ADAM29: variants seen among roughly 807,000 people sequenced by gnomAD.
The protein encoded by ADAM29 is ADAM metallopeptidase domain 29, also known as disintegrin and metalloproteinase domain-containing protein 29.
For synonymous variants in ADAM29, 367 were observed against 342.3 expected (o/e 1.07, Z -0.80); for missense variants, 969 against 1,001.8 (o/e 0.97, Z 0.44).
intron 2 of ADAM29, among the ~76,000 whole-genome samples, chr4:174,924,897 G>A (rs1289116850): frequency 3.3e-5 from 5 of 152,200 alleles, no homozygotes; most frequent in Non-Finnish European, 7.3e-5. Flanking sequence ...CTTTACATTA[G>A]AGAAATGGAC....
intron 3 of ADAM29, among the ~76,000 whole-genome samples, chr4:174,933,176 C>A (rs1744003261): frequency 6.6e-6 from 1 of 152,066 alleles, no homozygotes; most frequent in Non-Finnish European, 1.5e-5. Context: ...AAGCTCTCTG[C>A]CTGAAAGTGT....
At chr4:174,967,762 A>C (rs1316329813) in intron 4 of ADAM29, among the ~76,000 whole-genome samples, 1 of 152,132 alleles carries the variant, frequency 6.6e-6, no homozygotes, top group African/African-American at 2.4e-5. Flanking sequence ...AACCGCTTGG[A>C]CTCATTTAAT....
intron 2 of ADAM29, chr4:174,923,961 C>A (rs1301063524): frequency 2.6e-5 from 4 of 152,362 alleles, no homozygotes; most frequent in Non-Finnish European, 5.9e-5. Context: ...GCCACTTCTT[C>A]TCAGCTTCTC....
Position 174,975,693 on chromosome 4 carries a change from GC to G in ADAM29, c.171del (p.Phe58LeufsTer10), listed in dbSNP as rs753994477. On this transcript the variant is annotated frameshift_variant, in exon 5 of 5. Transcript: ENST00000359240. LOFTEE classifies it low-confidence loss of function (END_TRUNC). Reference protein sequence around the residue: ...TPPGWLSYILPFGGQKHIIHI... With the variant: ...TPPGWLSYILXFGGQKHIIHI... ...CTCCAGGCTGGCTCTCCTATATCCT[GC>G]CCTTTGGAGGCCAGAAACACATTAT... The G allele has an allele frequency of 6.2e-6, 10 of 1,611,692 alleles. No individual in the cohort carries two copies. The African/African-American group carries it at 1.2e-4, about 19-fold the overall frequency.
At position 174,975,509 on chromosome 4, in the gene ADAM29, T is replaced by C. The variant is rs776483269; in HGVS notation, c.-17T>C. On this transcript the variant is annotated 5_prime_UTR_variant, in exon 5 of 5. Coordinates refer to ENST00000359240, the MANE Select transcript of ADAM29 (RefSeq NM_014269.4). Reference sequence around the variant, plus strand: ...ACAGGGACTTCAAAATCACTGTGATTTGAAGCCTTTTTGAACATGAAGATG... The same window carrying C: ...ACAGGGACTTCAAAATCACTGTGATCTGAAGCCTTTTTGAACATGAAGATG... The C allele has an allele frequency of 4.0e-6, 6 of 1,497,592 alleles. No homozygotes were observed. The South Asian group carries it at 7.0e-5, about 18-fold the overall frequency. The allele number at this position is 1,497,592 out of a possible 1,614,324, so 92.8% of individuals were successfully genotyped here.
intron 4 of ADAM29, among the ~76,000 whole-genome samples, chr4:174,939,134 C>T (rs965587524): frequency 4.6e-5 from 7 of 152,098 alleles, no homozygotes; most frequent in Non-Finnish European, 8.8e-5. Context: ...GTCTTTCTTC[C>T]AAATAAGAGT....
At chr4:174,944,537 CT>C (rs1447141566) in intron 4 of ADAM29, among the ~76,000 whole-genome samples, 4 of 151,864 alleles carry the variant, frequency 2.6e-5, no homozygotes, top group Non-Finnish European at 2.9e-5. Context: ...TTTAATTAAA[CT>C]TTTCTTTAGC....
chr4:174,950,557 T>A (rs1043947976), intron 4 of ADAM29, among the ~76,000 whole-genome samples: 2 of 152,232 alleles, frequency 1.3e-5, no homozygotes, highest in Non-Finnish European at 2.9e-5. Flanking sequence ...TAATGTGAAT[T>A]TCTGAAAAAA....
chr4:174,928,765 G>T (rs1193033214), intron 2 of ADAM29, among the ~76,000 whole-genome samples: 2 of 151,996 alleles, frequency 1.3e-5, no homozygotes, highest in Non-Finnish European at 2.9e-5. Context: ...TTGCTAATAC[G>T]TGCTTATCTA....
At chr4:174,933,816 T>C (rs1462265543) in intron 3 of ADAM29, among the ~76,000 whole-genome samples, 3 of 152,228 alleles carry the variant, frequency 2.0e-5, no homozygotes, top group African/African-American at 7.2e-5. Flanking sequence ...CTCTTTCTTT[T>C]TTATGCCTGC....
intron 4 of ADAM29, among the ~76,000 whole-genome samples, chr4:174,973,392 C>T (rs1746578777): frequency 6.6e-6 from 1 of 152,170 alleles, no homozygotes; most frequent in Admixed American, 6.5e-5. Flanking sequence ...AATCTCCCTA[C>T]CAACTTTGGT....
chr4:174,948,875 T>G (rs1404142852), intron 4 of ADAM29, among the ~76,000 whole-genome samples: 1 of 151,996 alleles, frequency 6.6e-6, no homozygotes, highest in African/African-American at 2.4e-5. Flanking sequence ...TGAGTTCACA[T>G]CGGCGGTGGC....
intron 4 of ADAM29, among the ~76,000 whole-genome samples, chr4:174,957,861 A>G (rs930280657): frequency 6.6e-6 from 1 of 151,858 alleles, no homozygotes; most frequent in African/African-American, 2.4e-5. Flanking sequence ...TTGTTTCTGT[A>G]TAATATTTTG....
At chr4:174,938,543 C>G (rs1041743601) in intron 4 of ADAM29, among the ~76,000 whole-genome samples, 5 of 152,242 alleles carry the variant, frequency 3.3e-5, no homozygotes, top group Admixed American at 1.3e-4. Flanking sequence ...AATATTCAGA[C>G]TTTGCTCAGG....
At chr4:174,945,586 G>A (rs1744798381) in intron 4 of ADAM29, among the ~76,000 whole-genome samples, 1 of 152,122 alleles carries the variant, frequency 6.6e-6, no homozygotes, top group African/African-American at 2.4e-5. Flanking sequence ...GTCTAGAATT[G>A]TGTTTTCTAG....
intron 3 of ADAM29, among the ~76,000 whole-genome samples, chr4:174,932,180 G>A (rs1031513019): frequency 1.3e-5 from 2 of 151,988 alleles, no homozygotes; most frequent in Admixed American, 6.6e-5. Flanking sequence ...CCAGCTACTC[G>A]AGAGGCTGAG....
intron 4 of ADAM29, among the ~76,000 whole-genome samples, chr4:174,949,689 G>A (rs1264138063): frequency 1.3e-5 from 2 of 149,870 alleles, no homozygotes; most frequent in African/African-American, 4.9e-5. Context: ...CTCTTGGTGG[G>A]AGATGTTCCT....
chr4:174,976,122 T>A lies in ADAM29; in HGVS notation c.597T>A (p.Ile199=). The part of the protein sequence containing the change: ...SYVGWWIHFR[I]VEIVVVIDNY... The stretch of plus-strand genomic sequence containing the variant: ...TGGGCTGGTGGATCCATTTTAGGAT[T>A]GTTGAAATTGTAGTCGTCATTGATA... The change falls in exon 5 of 5, where the codon ATT becomes ATA. Residue 199 remains isoleucine, a synonymous_variant. Coordinates refer to ENST00000359240, the MANE Select transcript of ADAM29 (RefSeq NM_014269.4). The A allele has an allele frequency of 6.2e-7, 1 of 1,613,094 alleles. No individual in the cohort carries two copies. Among genetic ancestry groups the A allele is most frequent in the South Asian group, 1.1e-5 (1 of 90,852 alleles).
rs1746765307 is a variant in ADAM29, at chr4:174,976,035, A to C, written c.510A>C (p.Glu170Asp). The C allele has an allele frequency of 5.0e-6, 8 of 1,612,480 alleles. 1 individual carries two copies. In the South Asian group the frequency reaches 7.7e-5, roughly 16 times the overall value. The change falls in exon 5 of 5, where the codon GAA becomes GAC. Residue 170 changes from glutamate (E) to aspartate (D), a missense_variant. Coordinates refer to ENST00000359240, the MANE Select transcript of ADAM29 (RefSeq NM_014269.4). The part of the protein sequence containing the change: ...STMRSGFMQN[E>D]ITCRMEFEEI... ...TGAGATCCGGATTTATGCAAAATGA[A>C]ATAACATGCCGAATGGAATTTGAAG...
Sources: gnomAD v4.1 joint callset for allele counts (sites outside exome capture counted in the v4.1 genomes callset) on GRCh38, gnomAD v4.1.1 for gene constraint, MANE v1.5 for transcripts, NCBI Gene and HGNC (gene_info 2026-07-23, HGNC 2026-07-21) for gene names.